The following PRDM2 variants were observed in gnomAD, a reference collection of about 807,000 sequenced individuals.
PRDM2 encodes PR/SET domain 2, also known as PR domain zinc finger protein 2.
A neutral mutation model predicts 130.0 loss-of-function variants in PRDM2; 30 were observed. The observed-to-expected ratio is 0.23, with a 90% CI of 0.17 to 0.31. The LOEUF (loss-of-function observed/expected upper bound fraction) is 0.31, where lower values mean the gene tolerates loss of function less well. PRDM2 is among the 10% of genes least tolerant of loss of function. The probability of loss-of-function intolerance (pLI) is 1.00; values close to 1 mark genes in which losing one functional copy is unlikely to be tolerated. For missense variants in PRDM2, 2,011 were observed against 2,108.4 expected, an observed-to-expected ratio of 0.95 and a Z score of 0.90; for synonymous variants, 871 against 782.4, an observed-to-expected ratio of 1.11 and a Z score of -1.89.
chr1:13,804,708 A>G (rs754239889), intron 8 of PRDM2, among the ~76,000 whole-genome samples: 8 of 152,178 alleles, frequency 5.3e-5, no homozygotes, highest in Non-Finnish European at 1.0e-4. Context: ...CCTGAAACCA[A>G]CGAAATCAGA....
At chr1:13,788,165 A>G (rs1018954802) in intron 8 of PRDM2, 4 of 899,780 alleles carry the variant, frequency 4.4e-6, no homozygotes, top group Non-Finnish European at 5.3e-6. Context: ...CAGAGCCCGC[A>G]CTCTAATTTA....
In PRDM2 at chr1:13,820,452, A is replaced by G. The variant is rs140392420; in HGVS notation, c.*24-2707A>G. Among the ~76,000 whole-genome samples, 279 of 152,314 alleles carry G rather than the reference A, an allele frequency of 1.8e-3. 1 individual carries two copies. Among genetic ancestry groups the G allele is most frequent in the African/African-American group, 6.2e-3 (258 of 41,572 alleles). On this transcript the variant is annotated intron_variant, in intron 9 of 9. Coordinates refer to ENST00000311066, the MANE Select transcript of PRDM2 (RefSeq NM_001393986.1). ...AGAAAAGTGCTGTGCTGCCTAGTCT[A>G]TAGGGAGGCTTCCTTTGCACATCCT...
chr1:13,723,851 C>G (rs1426877617), intron 2 of PRDM2, among the ~76,000 whole-genome samples: 1 of 152,186 alleles, frequency 6.6e-6, no homozygotes, highest in Non-Finnish European at 1.5e-5. Context: ...TCGCAGTGAC[C>G]ACTGCTCTGA....
chr1:13,770,447 A>G, intron 6 of PRDM2: 1 of 309,074 alleles, frequency 3.2e-6, no homozygotes, highest in Middle Eastern at 1.3e-3. Context: ...TACATGTAGA[A>G]CAGTGTACTT....
chr1:13,749,894 G>A (rs949031091), intron 6 of PRDM2, among the ~76,000 whole-genome samples: 7 of 152,114 alleles, frequency 4.6e-5, no homozygotes, highest in South Asian at 2.1e-4. Context: ...CTCGCGGCTA[G>A]CTTGACAGCC....
chr1:13,812,212 G>A (rs546704043), intron 8 of PRDM2, among the ~76,000 whole-genome samples: 10 of 152,190 alleles, frequency 6.6e-5, no homozygotes, highest in Non-Finnish European at 1.0e-4. Context: ...CACAGTCCCC[G>A]TGGAAGGTGT....
intron 1 of PRDM2, among the ~76,000 whole-genome samples, chr1:13,705,825 C>T (rs1409166849): frequency 1.3e-5 from 2 of 151,528 alleles, no homozygotes; most frequent in African/African-American, 2.4e-5. Flanking sequence ...CTACTAAAAA[C>T]GCAAAAATTA....
chr1:13,788,627 A>G (rs1425362195), intron 8 of PRDM2, among the ~76,000 whole-genome samples: 1 of 152,210 alleles, frequency 6.6e-6, no homozygotes, highest in East Asian at 1.9e-4. Flanking sequence ...CTGGCATACG[A>G]TATTCCTCCC....
In PRDM2 at chr1:13,824,068, C is replaced by G. The variant is rs571930943; in HGVS notation, c.*933C>G. ...GCACAGGGGGAAGAAGAAGAGATTTCGGAGGCCATCCTGCCAGGGGCGGAC... is the reference window on the plus strand; with the variant it reads ...GCACAGGGGGAAGAAGAAGAGATTTGGGAGGCCATCCTGCCAGGGGCGGAC... On this transcript the variant is annotated 3_prime_UTR_variant, in exon 10 of 10. Transcript: ENST00000311066. 3 of 152,718 alleles carry G rather than the reference C, an allele frequency of 2.0e-5. No individual in the cohort carries two copies. The highest frequency in any genetic ancestry group is 7.2e-5 in the African/African-American group (3 of 41,558). The allele number at this position is 152,718 out of a possible 1,614,324, so 9.5% of individuals were successfully genotyped here. A position where few individuals can be genotyped will look rare whatever the true frequency, so the allele number is the denominator to read the frequency against.
rs907769193 is a variant in PRDM2 at position 13,823,286 on chromosome 1, C to T, written c.*151C>T. On this transcript the variant is annotated 3_prime_UTR_variant, in exon 10 of 10. Transcript: ENST00000311066. Reference sequence around the variant, plus strand: ...GTGCATGTGCGCGCGTGCATGTGTGCGTGCGTGTGTGTTCACGTGTTCTCG... The same window carrying T: ...GTGCATGTGCGCGCGTGCATGTGTGTGTGCGTGTGTGTTCACGTGTTCTCG... 1.9e-5 allele frequency: 26 copies of T among 1,340,568 alleles called. No individual in the cohort carries two copies. In the East Asian group the frequency reaches 2.4e-4, roughly 12 times the overall value. 83.0% of individuals were successfully genotyped at this position (1,340,568 alleles called of 1,614,324 possible).
At chr1:13,729,671 C>G (rs752463611) in intron 2 of PRDM2, among the ~76,000 whole-genome samples, 44 of 152,098 alleles carry the variant, frequency 2.9e-4, no homozygotes, top group Non-Finnish European at 5.4e-4. Flanking sequence ...GGCTAATTGG[C>G]TATCTTATGT....
chr1:13,786,828 A>G, intron 8 of PRDM2: 1 of 1,171,844 alleles, frequency 8.5e-7, no homozygotes, highest in Non-Finnish European at 1.1e-6. Context: ...AGATCTGAGC[A>G]TGGCCCTTGT....
rs149705918 is a variant in PRDM2, at chr1:13,731,038, T to C, written c.48T>C (p.Ala16=). The C allele has an allele frequency of 8.9e-5, 143 of 1,608,442 alleles. No homozygotes were observed. The African/African-American group carries it at 1.4e-3, about 16-fold the overall frequency. Residue 16 remains alanine, a synonymous_variant, in exon 3 of 10, where the codon GCT becomes GCC. Transcript: ENST00000311066. ...CTGTGGCGGCCACCGAGACCCTGGCTGAGGTACCCGAACATGTGCTGCGAG... is the reference window on the plus strand; with the variant it reads ...CTGTGGCGGCCACCGAGACCCTGGCCGAGGTACCCGAACATGTGCTGCGAG... ...TEPVAATETL[A]EVPEHVLRGL... is the part of the protein sequence containing the mutation.
chr1:13,749,235 G>A (rs1192192376), intron 5 of PRDM2, 126 bp from the exon 6 acceptor site: 3 of 918,758 alleles, frequency 3.3e-6, no homozygotes, highest in African/African-American at 1.8e-5. Flanking sequence ...CCGGCCGGGT[G>A]CGCGCGGCGC....
At chr1:13,793,713 G>A (rs1644878521) in intron 8 of PRDM2, among the ~76,000 whole-genome samples, 1 of 152,188 alleles carries the variant, frequency 6.6e-6, no homozygotes, top group Admixed American at 6.5e-5. Context: ...GGCTCATGGA[G>A]AGCATAGAGC....
chr1:13,787,114 C>A (rs1445126113), intron 8 of PRDM2: 1 of 985,162 alleles, frequency 1.0e-6, no homozygotes, highest in Non-Finnish European at 1.2e-6. Context: ...GGAGAGGAAA[C>A]CAGATTGGAT....
rs534456886 is a variant in PRDM2, at chr1:13,785,870, G to A, written c.5036+3039G>A. On this transcript the variant is annotated intron_variant, in intron 8 of 9. Coordinates refer to ENST00000311066, the MANE Select transcript of PRDM2 (RefSeq NM_001393986.1). Reference sequence around the variant, plus strand: ...TTTTTTTTTAATGAGACAGAGTCTCGCTCCGTTGCCCAGGCTGGAGTGCAG... The same window carrying A: ...TTTTTTTTTAATGAGACAGAGTCTCACTCCGTTGCCCAGGCTGGAGTGCAG... Among the ~76,000 whole-genome samples the A allele has an allele frequency of 1.1e-3, 155 of 137,512 alleles. 2 individuals are homozygous for A. In the South Asian group the frequency reaches 0.035, roughly 31 times the overall value. 90.2% of individuals were successfully genotyped at this position (137,512 alleles called of 152,430 possible). A position where few individuals can be genotyped will look rare whatever the true frequency, so the allele number is the denominator to read the frequency against.
At chr1:13,794,787 A>G (rs1644896507) in intron 8 of PRDM2, among the ~76,000 whole-genome samples, 1 of 152,230 alleles carries the variant, frequency 6.6e-6, no homozygotes, top group African/African-American at 2.4e-5. Context: ...TGCCATGTAT[A>G]AGATTTCATG....
In PRDM2 at chr1:13,771,046, A is replaced by AAGG. The variant is rs142995442; in HGVS notation, c.512-2028_512-2026dup. On this transcript the variant is annotated intron_variant, in intron 6 of 9. Coordinates refer to ENST00000311066, the MANE Select transcript of PRDM2 (RefSeq NM_001393986.1). The surrounding 1 kb of genome is among the most constrained non-coding windows in gnomAD (Gnocchi z 4.1). ...TCATAAGCATAAGAAAACTGATGGA[A>AAGG]AGGAGGTAGAATCCAAATTCCCTTA... Among the ~76,000 whole-genome samples, 3,515 of 152,318 alleles carry AAGG rather than the reference A, an allele frequency of 0.023. 70 individuals are homozygous for AAGG. The highest frequency in any genetic ancestry group is 0.035 in the Non-Finnish European group (2,356 of 68,022).
Sources: gnomAD v4.1 joint callset for allele counts (sites outside exome capture counted in the v4.1 genomes callset) on GRCh38, gnomAD v4.1.1 for gene constraint, Gnocchi (gnomAD v3.1) non-coding constraint, MANE v1.5 for transcripts, NCBI Gene and HGNC (gene_info 2026-07-23, HGNC 2026-07-21) for gene names.